Variants in ENTREP2 observed in about 807,000 individuals in gnomAD.
ENTREP2 encodes protein ENTREP2.
chr15:29,118,266 G>A, the ENTREP2 span: 11 of 152,634 alleles, frequency 7.2e-5, no homozygotes, highest in African/African-American at 2.4e-4. Context: ...GCAGCTACCC[G>A]TAGGAAGACT....
chr15:29,344,961 C>CAT, the ENTREP2 span, among the ~76,000 whole-genome samples: 1 of 151,732 alleles, frequency 6.6e-6, no homozygotes, highest in South Asian at 2.1e-4. Context: ...CACACACACA[C>CAT]ACACACACAC....
the ENTREP2 span, among the ~76,000 whole-genome samples, chr15:29,193,754 A>C: frequency 6.6e-6 from 1 of 152,250 alleles, no homozygotes; most frequent in Non-Finnish European, 1.5e-5. Context: ...GAAAACCCAA[A>C]GAATCTGCAA....
the ENTREP2 span, among the ~76,000 whole-genome samples, chr15:29,171,496 C>A: frequency 2.0e-5 from 3 of 152,190 alleles, no homozygotes; most frequent in Admixed American, 1.3e-4. Context: ...GCAGTGTCTA[C>A]AGCTGCAGGA....
At chr15:29,254,584 C>T in the ENTREP2 span, among the ~76,000 whole-genome samples, 50 of 151,024 alleles carry the variant, frequency 3.3e-4, no homozygotes, top group South Asian at 4.1e-4. Context: ...CCCGGCCAGG[C>T]GCAGTGGCTC....
the ENTREP2 span, among the ~76,000 whole-genome samples, chr15:29,228,276 G>A: frequency 0.024 from 3,599 of 152,160 alleles, 144 homozygotes; most frequent in African/African-American, 0.082. Flanking sequence ...CCAAGATCAC[G>A]CCACTGCACT....
chr15:29,646,058 T>G, the ENTREP2 span, among the ~76,000 whole-genome samples: 1 of 152,188 alleles, frequency 6.6e-6, no homozygotes, highest in Non-Finnish European at 1.5e-5. Flanking sequence ...AAAGGCCAGT[T>G]GTAGTCAACA....
At chr15:29,666,740 G>A in the ENTREP2 span, among the ~76,000 whole-genome samples, 1 of 152,164 alleles carries the variant, frequency 6.6e-6, no homozygotes, top group African/African-American at 2.4e-5. Flanking sequence ...AGTTCCTGGA[G>A]TGGCCTTCCT....
chr15:29,136,163 A>G, the ENTREP2 span, among the ~76,000 whole-genome samples: 23 of 152,352 alleles, frequency 1.5e-4, no homozygotes, highest in African/African-American at 5.0e-4. Flanking sequence ...CACAGGGCTG[A>G]TAAGACCAAC....
At chr15:29,531,675 A>T in the ENTREP2 span, among the ~76,000 whole-genome samples, 2 of 152,184 alleles carry the variant, frequency 1.3e-5, no homozygotes, top group Admixed American at 6.5e-5. Flanking sequence ...GGAAAGCAAA[A>T]TTGTTTCTGA....
At chr15:29,281,896 T>C in the ENTREP2 span, among the ~76,000 whole-genome samples, 1 of 152,180 alleles carries the variant, frequency 6.6e-6, no homozygotes, top group Non-Finnish European at 1.5e-5. Context: ...CTGCTCAAGT[T>C]CAGGTAGACT....
chr15:29,310,115 T>C, the ENTREP2 span, among the ~76,000 whole-genome samples: 6 of 152,114 alleles, frequency 3.9e-5, no homozygotes, highest in East Asian at 1.2e-3. Flanking sequence ...TGTCCTGTCA[T>C]GAACTAGAAA....
the ENTREP2 span, among the ~76,000 whole-genome samples, chr15:29,441,899 C>T: frequency 6.6e-6 from 1 of 152,162 alleles, no homozygotes; most frequent in African/African-American, 2.4e-5. Context: ...GTCTTCCTTT[C>T]CAGTCCAGGC....
At chr15:29,606,821 TTTTC>T in the ENTREP2 span, among the ~76,000 whole-genome samples, 1,294 of 151,884 alleles carry the variant, frequency 8.5e-3, 21 homozygotes, top group East Asian at 0.097. Flanking sequence ...GCATTGAACC[TTTTC>T]TTTCTTTCTT....
the ENTREP2 span, chr15:29,123,569 G>A: frequency 2.8e-5 from 43 of 1,551,642 alleles, no homozygotes; most frequent in Non-Finnish European, 3.3e-5. Flanking sequence ...TCTGGTGTTG[G>A]CCGTTGGTCA....
chr15:29,155,089 T>C, the ENTREP2 span, among the ~76,000 whole-genome samples: 557 of 151,252 alleles, frequency 3.7e-3, 4 homozygotes, highest in African/African-American at 0.013. Flanking sequence ...GAGACCATCC[T>C]GGCTAACACG....
chr15:29,668,857 G>A, the ENTREP2 span, among the ~76,000 whole-genome samples: 2 of 152,116 alleles, frequency 1.3e-5, no homozygotes, highest in Non-Finnish European at 2.9e-5. Context: ...AACTAAAGTC[G>A]GTCAACACAC....
chr15:29,517,150 GC>G, the ENTREP2 span, among the ~76,000 whole-genome samples: 1 of 152,120 alleles, frequency 6.6e-6, no homozygotes, highest in Non-Finnish European at 1.5e-5. Flanking sequence ...ACCACAGGAA[GC>G]GGGGGAGCAG....
chr15:29,618,266 AC>A, the ENTREP2 span, among the ~76,000 whole-genome samples: 1 of 152,204 alleles, frequency 6.6e-6, no homozygotes, highest in Non-Finnish European at 1.5e-5. Flanking sequence ...TACTAAAAAT[AC>A]AAAAAATTAG....
At chr15:29,365,441 T>A in the ENTREP2 span, among the ~76,000 whole-genome samples, 4 of 151,892 alleles carry the variant, frequency 2.6e-5, no homozygotes, top group African/African-American at 7.2e-5. Context: ...TTAGTAGAGA[T>A]GGGATTTCAC....
Sources: gnomAD v4.1 joint callset for allele counts (sites outside exome capture counted in the v4.1 genomes callset) on GRCh38, gnomAD v4.1.1 for gene constraint, MANE v1.5 for transcripts, NCBI Gene and HGNC (gene_info 2026-07-23, HGNC 2026-07-21) for gene names.